Variants in CLPB observed in about 807,000 individuals in gnomAD.
CLPB encodes ClpB family mitochondrial disaggregase, also known as mitochondrial disaggregase.
In CLPB, 40 loss-of-function variants were observed where a neutral mutation model predicts 78.4. The observed-to-expected ratio is 0.51, with a 90% CI of 0.40 to 0.66. The LOEUF is 0.66. Among genes scored for constraint, CLPB ranks in the 30% least tolerant of loss-of-function variants. The pLI is 0.00. For synonymous variants in CLPB, 333 were observed against 348.0 expected (o/e 0.96, Z 0.48); for missense variants, 780 against 886.9 (o/e 0.88, Z 1.53).
chr11:72,418,488 T>C (rs1380549708), intron 2 of CLPB, among the ~76,000 whole-genome samples: 2 of 152,226 alleles, frequency 1.3e-5, no homozygotes, highest in African/African-American at 4.8e-5. Context: ...AACTAACCAA[T>C]GGTCACAGCC....
intron 2 of CLPB, among the ~76,000 whole-genome samples, chr11:72,420,729 T>C (rs1856170684): frequency 6.6e-6 from 1 of 152,174 alleles, no homozygotes; most frequent in Non-Finnish European, 1.5e-5. Context: ...ATTAAGAAAC[T>C]ATTTCAGGCA....
intron 2 of CLPB, among the ~76,000 whole-genome samples, chr11:72,426,822 G>C (rs1856393266): frequency 6.6e-6 from 1 of 152,194 alleles, no homozygotes; most frequent in Non-Finnish European, 1.5e-5. Flanking sequence ...TTCATATAAA[G>C]AACAGTGTGG....
At chr11:72,427,678 C>A (rs1418282325) in intron 2 of CLPB, among the ~76,000 whole-genome samples, 1 of 152,160 alleles carries the variant, frequency 6.6e-6, no homozygotes, top group Non-Finnish European at 1.5e-5. Flanking sequence ...AGCCTAGGAG[C>A]AACAGGCTAT....
intron 2 of CLPB, among the ~76,000 whole-genome samples, chr11:72,424,881 G>A (rs910544926): frequency 2.6e-5 from 4 of 151,554 alleles, no homozygotes; most frequent in South Asian, 2.1e-4. Context: ...ATGAGACTCC[G>A]TCTCAAAAAA....
At chr11:72,304,950 G>T (rs1042011135) in intron 9 of CLPB, among the ~76,000 whole-genome samples, 1 of 152,182 alleles carries the variant, frequency 6.6e-6, no homozygotes, top group Non-Finnish European at 1.5e-5. Context: ...TTGAAGGCAG[G>T]TCTCAAACAT....
chr11:72,408,684 A>G (rs1295278461), intron 2 of CLPB, among the ~76,000 whole-genome samples: 8 of 150,354 alleles, frequency 5.3e-5, no homozygotes, highest in South Asian at 2.1e-4. Context: ...AAAAAAAAAA[A>G]AAAGAAAAGA....
At position 72,293,173 on chromosome 11, in the gene CLPB, G is replaced by A. The variant is rs1222783153; in HGVS notation, c.*194C>T. On this transcript the variant is annotated 3_prime_UTR_variant, in exon 16 of 16. Transcript: ENST00000538039. The stretch of plus-strand genomic sequence containing the variant: ...AGCAGGTTATGGGCCCACAACAAAG[G>A]GGCCAGAGTAGGGCGAAATTCCTCC... 23 of 636,604 alleles carry A rather than the reference G, an allele frequency of 3.6e-5. No homozygotes were observed. Among genetic ancestry groups the A allele is most frequent in the Non-Finnish European group, 6.1e-5 (23 of 375,372 alleles). The allele number at this position is 636,604 out of a possible 1,614,324, so 39.4% of individuals were successfully genotyped here. A position where few individuals can be genotyped will look rare whatever the true frequency, so the allele number is the denominator to read the frequency against.
At chr11:72,422,139 C>T (rs544862956) in intron 2 of CLPB, among the ~76,000 whole-genome samples, 9 of 152,004 alleles carry the variant, frequency 5.9e-5, no homozygotes, top group East Asian at 3.9e-4. Flanking sequence ...TGGTGGCGGG[C>T]GCCTGTAGTC....
chr11:72,344,813 A>G lies in CLPB; in HGVS notation c.775+14067T>C, dbSNP rs575270277. ...AAGGGCTAATATTCTTAACATAAAC[A>G]GAAATTTTAAAAATCAAGAGAAAAA... On this transcript the variant is annotated intron_variant, in intron 5 of 15. Coordinates refer to ENST00000538039, the MANE Select transcript of CLPB (RefSeq NM_001258392.3). 1.4e-4 allele frequency among the ~76,000 whole-genome samples: 22 copies of G among 152,334 alleles called. 1 individual carries two copies. The highest frequency in any genetic ancestry group is 5.3e-4 in the African/African-American group (22 of 41,584).
chr11:72,349,547 T>G (rs562163675), intron 5 of CLPB, among the ~76,000 whole-genome samples: 20 of 152,308 alleles, frequency 1.3e-4, no homozygotes, highest in African/African-American at 4.3e-4. Context: ...AAACTCCTTT[T>G]GGGAAGGGAC....
At chr11:72,324,929 T>C (rs910647717) in intron 6 of CLPB, among the ~76,000 whole-genome samples, 5 of 152,168 alleles carry the variant, frequency 3.3e-5, no homozygotes, top group Admixed American at 3.3e-4. Flanking sequence ...ATAGGAAATG[T>C]GCTTGTGATC....
At chr11:72,300,847 C>G (rs184648582) in intron 11 of CLPB, among the ~76,000 whole-genome samples, 1 of 152,196 alleles carries the variant, frequency 6.6e-6, no homozygotes, top group Non-Finnish European at 1.5e-5. Flanking sequence ...TGGCTCCTCA[C>G]GCTCTCTTGA....
intron 2 of CLPB, among the ~76,000 whole-genome samples, chr11:72,418,069 G>C (rs186598582): frequency 7.2e-4 from 109 of 152,336 alleles, no homozygotes; most frequent in Non-Finnish European, 1.3e-3. Context: ...CAGCCTTCCT[G>C]AGCCTTCCAT....
chr11:72,354,057 C>A, intron 5 of CLPB, among the ~76,000 whole-genome samples: 1 of 151,876 alleles, frequency 6.6e-6, no homozygotes, highest in Admixed American at 6.6e-5. Context: ...AGGTAGGTGG[C>A]GCCACCCCCA....
chr11:72,318,971 T>G (rs936634458), intron 6 of CLPB, among the ~76,000 whole-genome samples: 1 of 152,186 alleles, frequency 6.6e-6, no homozygotes, highest in Non-Finnish European at 1.5e-5. Context: ...GCATACATAC[T>G]GGCTGGGACA....
intron 8 of CLPB, 130 bp from the exon 9 acceptor site, chr11:72,307,384 G>C: frequency 1.3e-6 from 1 of 764,852 alleles, no homozygotes; most frequent in Non-Finnish European, 2.2e-6. Context: ...GCGCAGAAAG[G>C]ATCAGCGACT....
rs1284173836 is a variant in CLPB at position 72,290,945 on chromosome 11, A to T, written c.*2422T>A. ...GGGTGACAGAGCGGGACTCCGTCTC[A>T]AAAAAAAAAAAAAAACCAAAACAAA... On this transcript the variant is annotated 3_prime_UTR_variant, in exon 16 of 16. Transcript: ENST00000538039. 8.1e-6 allele frequency: 1 copy of T among 123,342 alleles called. No homozygotes were observed. Among genetic ancestry groups the T allele is most frequent in the Non-Finnish European group, 1.7e-5 (1 of 60,508 alleles). The allele number at this position is 123,342 out of a possible 1,614,324, so 7.6% of individuals were successfully genotyped here. A position where few individuals can be genotyped will look rare whatever the true frequency, so the allele number is the denominator to read the frequency against.
At chr11:72,336,809 T>A in intron 5 of CLPB, 1 of 330,406 alleles carries the variant, frequency 3.0e-6, no homozygotes, top group Non-Finnish European at 5.5e-6. Flanking sequence ...CAAGGAAACA[T>A]TGAGAGAGAG....
intron 6 of CLPB, among the ~76,000 whole-genome samples, chr11:72,322,566 A>C (rs995592916): frequency 6.6e-6 from 1 of 152,194 alleles, no homozygotes; most frequent in Non-Finnish European, 1.5e-5. Flanking sequence ...GAGAAGGAAA[A>C]ATACTTGATA....
Sources: gnomAD v4.1 joint callset for allele counts (sites outside exome capture counted in the v4.1 genomes callset) on GRCh38, gnomAD v4.1.1 for gene constraint, MANE v1.5 for transcripts, NCBI Gene and HGNC (gene_info 2026-07-23, HGNC 2026-07-21) for gene names.